SLU7: variants seen among roughly 807,000 people sequenced by gnomAD.
SLU7 encodes spliceosome associated SLU7, also known as pre-mRNA-splicing factor SLU7.
A neutral mutation model predicts 87.0 loss-of-function variants in SLU7; 60 were observed. That is an observed-to-expected ratio of 0.69 (90% CI 0.56 to 0.86). The LOEUF (loss-of-function observed/expected upper bound fraction) is 0.86, where lower values mean the gene tolerates loss of function less well. SLU7 is among the 40% of genes least tolerant of loss of function. The pLI is 0.00. For missense variants in SLU7, 507 were observed against 686.6 expected, an observed-to-expected ratio of 0.74 and a Z score of 2.92; for synonymous variants, 197 against 222.0, an observed-to-expected ratio of 0.89 and a Z score of 1.00.
intron 8 of SLU7, 76 bp from the exon 9 acceptor site, chr5:160,408,144 G>T: frequency 1.7e-6 from 2 of 1,192,488 alleles, no homozygotes; most frequent in South Asian, 1.3e-5. Flanking sequence ...TGGAGGAGTT[G>T]AACATGATCA....
chr5:160,414,521 T>G, intron 2 of SLU7, 49 bp from the exon 3 acceptor site: 1 of 1,240,798 alleles, frequency 8.1e-7, no homozygotes, highest in African/African-American at 1.6e-5. Flanking sequence ...AATTGGAAAA[T>G]AATCAGTATT....
chr5:160,415,432 T>C, intron 1 of SLU7, 122 bp from the exon 2 acceptor site: 1 of 634,630 alleles, frequency 1.6e-6, no homozygotes, highest in Admixed American at 3.8e-5. Context: ...ATATTATGTG[T>C]AAGGAAGGGT....
chr5:160,414,189 T>C, intron 3 of SLU7, 130 bp downstream of exon 3: 1 of 793,578 alleles, frequency 1.3e-6, no homozygotes, highest in Non-Finnish European at 2.0e-6. Context: ...AGTAATGCAC[T>C]GTGAATTTCA....
chr5:160,416,902 C>T (rs928229170), intron 1 of SLU7, among the ~76,000 whole-genome samples: 11 of 152,114 alleles, frequency 7.2e-5, no homozygotes, highest in Non-Finnish European at 1.5e-5. Flanking sequence ...TGGGAGAGAC[C>T]GGGTGAGAGA....
chr5:160,408,236 A>ATTATTATCCATATG (rs1765086531), intron 8 of SLU7, 93 bp downstream of exon 8: 5 of 1,355,834 alleles, frequency 3.7e-6, no homozygotes, highest in Non-Finnish European at 5.1e-6. Context: ...AATGACTCTG[A>ATTATTATCCATATG]CTATATTATC....
Position 160,407,340 on chromosome 5 carries a change from G to T in SLU7, c.1125+136C>A. Reference sequence around the variant, plus strand: ...ATACAAAATTACCATCTGACTAAGAGAAAGGAAGAAAAGGACTATTCTTCA... The same window carrying T: ...ATACAAAATTACCATCTGACTAAGATAAAGGAAGAAAAGGACTATTCTTCA... On this transcript the variant is annotated intron_variant, in intron 11 of 15. Transcript: ENST00000297151. The surrounding 1 kb of genome is among the most constrained non-coding windows in gnomAD (Gnocchi z 4.2). The T allele has an allele frequency of 1.4e-6, 1 of 727,742 alleles. No homozygotes were observed. The highest frequency in any genetic ancestry group is 2.0e-5 in the South Asian group (1 of 49,024). 45.1% of individuals were successfully genotyped at this position (727,742 alleles called of 1,614,324 possible).
chr5:160,404,957 G>C, intron 13 of SLU7, 74 bp downstream of exon 13: 2 of 1,508,666 alleles, frequency 1.3e-6, no homozygotes, highest in Non-Finnish European at 1.8e-6. Flanking sequence ...TTTGAAACAT[G>C]AGACAGCATG....
At chr5:160,415,397 T>C (rs773144763) in intron 1 of SLU7, 87 bp from the exon 2 acceptor site, 55 of 955,018 alleles carry the variant, frequency 5.8e-5, no homozygotes, top group Non-Finnish European at 8.0e-5. Flanking sequence ...TAATATATAC[T>C]GTTTCATATG....
chr5:160,405,094 G>A lies in SLU7; in HGVS notation c.1329C>T (p.Tyr443=). 1 of 1,613,808 alleles carries A rather than the reference G, an allele frequency of 6.2e-7. No individual in the cohort carries two copies. Among genetic ancestry groups the A allele is most frequent in the African/African-American group, 1.3e-5 (1 of 75,034 alleles). The change falls in exon 13 of 16, where the codon TAC becomes TAT. Residue 443 remains tyrosine, a synonymous_variant. Coordinates refer to ENST00000297151, the MANE Select transcript of SLU7 (RefSeq NM_006425.5). The stretch of plus-strand genomic sequence containing the variant: ...ACTTGAAAAAAGAGTGACAGCATTT[G>A]TATCCCCATCGGCCTTCTTTCCAGT... The part of the protein sequence containing the change: ...GSYWKEGRWG[Y]KCCHSFFKYS...
intron 1 of SLU7, among the ~76,000 whole-genome samples, chr5:160,417,791 CAAA>C (rs33929783): frequency 9.0e-6 from 1 of 111,196 alleles, no homozygotes. Flanking sequence ...GACTACGTCT[CAAA>C]AAAAAAAAAA....
chr5:160,404,372 T>C (rs1764909665), intron 15 of SLU7, 68 bp downstream of exon 15: 2 of 1,045,244 alleles, frequency 1.9e-6, no homozygotes, highest in Non-Finnish European at 1.4e-6. Flanking sequence ...CTCAAAAAAA[T>C]AAAAACAACC....
intron 2 of SLU7, 74 bp from the exon 3 acceptor site, chr5:160,414,546 A>G: frequency 1.0e-6 from 1 of 976,346 alleles, no homozygotes; most frequent in South Asian, 2.3e-5. Context: ...TTACAAAGGT[A>G]GCTTATACAA....
Position 160,403,714 on chromosome 5 carries a change from A to C in SLU7, c.1582-250T>G, listed in dbSNP as rs181759035. On this transcript the variant is annotated intron_variant, in intron 15 of 15. Transcript: ENST00000297151. ...AATCAATGTTGAAGAAATTTTATTT[A>C]ATAACAAAAATTAAATGAGGTTCAC... 9.2e-5 allele frequency among the ~76,000 whole-genome samples: 14 copies of C among 152,364 alleles called. No individual in the cohort carries two copies. In the East Asian group the frequency reaches 2.7e-3, roughly 29 times the overall value.
intron 12 of SLU7, among the ~76,000 whole-genome samples, chr5:160,405,620 C>T (rs1764976851): frequency 6.6e-6 from 1 of 152,122 alleles, no homozygotes; most frequent in Non-Finnish European, 1.5e-5. Flanking sequence ...CAGCAAAGGA[C>T]AATATATGCT....
chr5:160,417,402 C>T (rs1308658534), intron 1 of SLU7, among the ~76,000 whole-genome samples: 1 of 152,094 alleles, frequency 6.6e-6, no homozygotes, highest in Non-Finnish European at 1.5e-5. Context: ...AAAAAAACAA[C>T]TCTGTCTTTA....
At chr5:160,418,405 A>T (rs1290943619) in intron 1 of SLU7, among the ~76,000 whole-genome samples, 1 of 152,250 alleles carries the variant, frequency 6.6e-6, no homozygotes, top group Non-Finnish European at 1.5e-5. Flanking sequence ...CCAGTATGTT[A>T]TACTTGTCCA....
In SLU7 at chr5:160,412,538, G is replaced by GAAAAA. The variant is rs5872643; in HGVS notation, c.571-20_571-19insTTTTT. 9.4e-6 allele frequency: 9 copies of GAAAAA among 960,528 alleles called. No individual in the cohort carries two copies. The highest frequency in any genetic ancestry group is 6.5e-4 in the Middle Eastern group (2 of 3,098). The allele number at this position is 960,528 out of a possible 1,614,324, so 59.5% of individuals were successfully genotyped here. ...GTTTTGCCTTTAAAAAAAAAAAAAA[G>GAAAAA]AAAGAAAGAAAGAAAAAGTAAACAT... is the stretch of plus-strand genomic sequence containing the variant. On this transcript the variant is annotated intron_variant, in intron 5 of 15. Coordinates refer to ENST00000297151, the MANE Select transcript of SLU7 (RefSeq NM_006425.5).
rs200206101 is a variant in SLU7 at position 160,414,484 on chromosome 5, G to GT, written c.171-13dup. The GT allele has an allele frequency of 1.5e-3, 1,988 of 1,331,574 alleles. No homozygotes were observed. The highest frequency in any genetic ancestry group is 2.0e-3 in the Middle Eastern group (10 of 5,118). The allele number at this position is 1,331,574 out of a possible 1,614,324, so 82.5% of individuals were successfully genotyped here. A position where few individuals can be genotyped will look rare whatever the true frequency, so the allele number is the denominator to read the frequency against. On this transcript the variant is annotated splice_polypyrimidine_tract_variant and intron_variant, in intron 2 of 15. Coordinates refer to ENST00000297151, the MANE Select transcript of SLU7 (RefSeq NM_006425.5). ...GGGGGTTGATGTCTCTGTAATTAAAGTAAAAAAAAAAAAAATTTAAGGATA... is the reference window on the plus strand; with the variant it reads ...GGGGGTTGATGTCTCTGTAATTAAAGTTAAAAAAAAAAAAAATTTAAGGATA...
In SLU7 at chr5:160,413,617, G is replaced by A; in HGVS notation, c.409C>T (p.Pro137Ser). The A allele has an allele frequency of 6.2e-7, 1 of 1,608,758 alleles. No individual in the cohort carries two copies. Among genetic ancestry groups the A allele is most frequent in the Non-Finnish European group, 8.5e-7 (1 of 1,178,482 alleles). ...GTAAATTTGGCTCCAACTCGCCTAG[G>A]TCTCTAAAAACAGAGTAAGATTTAA... ...THKKKDCFER[P>S]RRVGAKFTGT... The change falls in exon 5 of 16, where the codon CCT (proline) becomes TCT (serine). Residue 137 changes from proline (P) to serine (S), a missense_variant. Pro to Ser is a moderately conservative substitution (Grantham distance 74). Transcript: ENST00000297151.
Sources: allele counts gnomAD v4.1 joint callset (sites outside exome capture counted in the v4.1 genomes callset), GRCh38; gene constraint gnomAD v4.1.1; non-coding constraint Gnocchi (gnomAD v3.1); transcripts MANE v1.5; gene names NCBI Gene and HGNC (gene_info 2026-07-23, HGNC 2026-07-21).